The following CWC27 variants were observed in gnomAD, a reference collection of about 807,000 sequenced individuals.
CWC27 encodes CWC27 spliceosome associated cyclophilin.
A neutral mutation model predicts 63.6 loss-of-function variants in CWC27; 47 were observed. The ratio of observed to expected loss-of-function variants is 0.74; its 90% CI spans 0.58 to 0.94. The LOEUF (loss-of-function observed/expected upper bound fraction) is 0.94, where lower values mean the gene tolerates loss of function less well. Among genes scored for constraint, CWC27 ranks in the 40% least tolerant of loss-of-function variants. CWC27 has a pLI of 0.00. For missense variants in CWC27, 495 were observed against 554.3 expected (o/e 0.89, Z 1.07); for synonymous variants, 175 against 179.8 (o/e 0.97, Z 0.22).
At chr5:64,981,664 G>C (rs1475074426) in intron 13 of CWC27, among the ~76,000 whole-genome samples, 3 of 151,958 alleles carry the variant, frequency 2.0e-5, no homozygotes, top group Non-Finnish European at 4.4e-5. Flanking sequence ...GTAAATACTT[G>C]TCTTTAGGGC....
intron 11 of CWC27, among the ~76,000 whole-genome samples, chr5:64,924,894 A>G (rs1476086037): frequency 6.6e-6 from 1 of 151,982 alleles, no homozygotes; most frequent in Non-Finnish European, 1.5e-5. Flanking sequence ...TATTATTTTT[A>G]TATACCGAAA....
At chr5:64,841,200 C>T (rs142763176) in intron 10 of CWC27, among the ~76,000 whole-genome samples, 7 of 152,110 alleles carry the variant, frequency 4.6e-5, no homozygotes, top group African/African-American at 1.7e-4. Flanking sequence ...TTTGTTAGCC[C>T]ATGGTAGGAG....
chr5:64,801,160 A>T, intron 8 of CWC27, 142 bp from the exon 9 acceptor site: 1 of 766,574 alleles, frequency 1.3e-6, no homozygotes, highest in Non-Finnish European at 1.9e-6. Context: ...CATCTGTTCT[A>T]TAATGCCTTT....
chr5:64,829,786 C>G, intron 10 of CWC27, among the ~76,000 whole-genome samples: 1 of 151,564 alleles, frequency 6.6e-6, no homozygotes, highest in East Asian at 1.9e-4. Flanking sequence ...AATGCTATCC[C>G]TCCCCTAGCC....
intron 12 of CWC27, 149 bp from the exon 13 acceptor site, chr5:64,976,986 C>T: frequency 2.3e-6 from 1 of 442,084 alleles, no homozygotes; most frequent in Non-Finnish European, 4.1e-6. Flanking sequence ...ATTATTGCAG[C>T]CTAAAGGTAG....
intron 11 of CWC27, among the ~76,000 whole-genome samples, chr5:64,917,495 G>A (rs1441994693): frequency 6.6e-6 from 1 of 152,128 alleles, no homozygotes; most frequent in Non-Finnish European, 1.5e-5. Flanking sequence ...GGGCGATGGG[G>A]TGCCCAGGTA....
At chr5:64,821,643 C>T (rs978921371) in intron 10 of CWC27, among the ~76,000 whole-genome samples, 2 of 152,088 alleles carry the variant, frequency 1.3e-5, no homozygotes, top group Non-Finnish European at 2.9e-5. Flanking sequence ...TGCAGAAAAT[C>T]CTGAAGCTGC....
At chr5:64,828,219 G>A (rs917682662) in intron 10 of CWC27, among the ~76,000 whole-genome samples, 3 of 152,046 alleles carry the variant, frequency 2.0e-5, no homozygotes, top group African/African-American at 7.3e-5. Context: ...AAAGTAGCTA[G>A]GATGAGTCAT....
chr5:64,948,192 C>G (rs1291344036), intron 11 of CWC27, among the ~76,000 whole-genome samples: 4 of 151,956 alleles, frequency 2.6e-5, no homozygotes, highest in Non-Finnish European at 4.4e-5. Context: ...TAGTAATTCA[C>G]TGGTGGGTTA....
intron 13 of CWC27, among the ~76,000 whole-genome samples, chr5:65,001,094 G>C (rs540050789): frequency 6.6e-6 from 1 of 151,904 alleles, no homozygotes; most frequent in South Asian, 2.1e-4. Flanking sequence ...CTGTGAATGA[G>C]ATTACTTTCT....
chr5:64,919,764 C>A (rs1228067950), intron 11 of CWC27, among the ~76,000 whole-genome samples: 5 of 152,168 alleles, frequency 3.3e-5, no homozygotes, highest in Non-Finnish European at 4.4e-5. Context: ...CATTAATGGG[C>A]ACCTTGGTTG....
At chr5:64,930,794 G>C (rs1748220894) in intron 11 of CWC27, among the ~76,000 whole-genome samples, 1 of 152,072 alleles carries the variant, frequency 6.6e-6, no homozygotes, top group African/African-American at 2.4e-5. Context: ...GAAGCGTATG[G>C]ACACCATATG....
At chr5:64,883,649 A>G (rs950354087) in intron 10 of CWC27, among the ~76,000 whole-genome samples, 2 of 152,182 alleles carry the variant, frequency 1.3e-5, no homozygotes, top group Non-Finnish European at 2.9e-5. Flanking sequence ...GAGAAATGAG[A>G]AAAGGCCATT....
chr5:64,839,273 T>A (rs896850335), intron 10 of CWC27, among the ~76,000 whole-genome samples: 1 of 152,234 alleles, frequency 6.6e-6, no homozygotes, highest in African/African-American at 2.4e-5. Context: ...ATTCATCTAC[T>A]GGATTTTGAA....
rs1441494129 is a variant in CWC27, at chr5:65,018,305, A to C, written c.1403A>C (p.Lys468Thr). ...REESKKLMRE[K>T]KERR Reference sequence around the variant, plus strand: ...GAAAGCAAAAAGCTGATGAGAGAGAAAAAAGAAAGAAGATAAAATGAGAAT... The same window carrying C: ...GAAAGCAAAAAGCTGATGAGAGAGACAAAAGAAAGAAGATAAAATGAGAAT... The change falls in exon 14 of 14, where the codon AAA (lysine) becomes ACA (threonine). Residue 468 changes from lysine (K) to threonine (T), a missense_variant. Physicochemically the swap from Lys to Thr is moderately conservative, Grantham distance 78. This residue lies in a region of CWC27 where 20 missense variants were observed against 22.1 expected (regional missense o/e 0.91). Coordinates refer to ENST00000381070, the MANE Select transcript of CWC27 (RefSeq NM_005869.4). The C allele has an allele frequency of 6.3e-7, 1 of 1,592,776 alleles. No individual in the cohort carries two copies.
In CWC27 at chr5:64,787,967, T is replaced by A. The variant is rs142214970; in HGVS notation, c.600-984T>A. 8.1e-3 allele frequency among the ~76,000 whole-genome samples: 1,229 copies of A among 152,258 alleles called. 13 individuals carry two copies. Among genetic ancestry groups the A allele is most frequent in the African/African-American group, 0.017 (697 of 41,578 alleles). ...TTAAAACACCCAGTAGTATAGGCAT[T>A]CAATACCTATTAGTCTTTTTCCTTG... On this transcript the variant is annotated intron_variant, in intron 6 of 13. Transcript: ENST00000381070.
chr5:64,899,302 G>T (rs938935233), intron 11 of CWC27, among the ~76,000 whole-genome samples: 8 of 152,200 alleles, frequency 5.3e-5, no homozygotes, highest in Non-Finnish European at 8.8e-5. Flanking sequence ...TATAACAGTA[G>T]TTGGAAAGGT....
intron 13 of CWC27, among the ~76,000 whole-genome samples, chr5:65,012,317 T>A (rs1309089626): frequency 1.3e-5 from 2 of 152,220 alleles, no homozygotes; most frequent in African/African-American, 2.4e-5. Context: ...TCTCAGAGAC[T>A]GCCTATGAAA....
intron 11 of CWC27, among the ~76,000 whole-genome samples, chr5:64,894,686 T>A (rs1747325727): frequency 6.6e-6 from 1 of 152,188 alleles, no homozygotes; most frequent in Admixed American, 6.5e-5. Context: ...GATATGTTCC[T>A]ATGACTTGCA....
Sources: allele counts gnomAD v4.1 joint callset (sites outside exome capture counted in the v4.1 genomes callset), GRCh38; gene constraint gnomAD v4.1.1; regional missense constraint gnomAD v4.1.1; transcripts MANE v1.5; gene names NCBI Gene and HGNC (gene_info 2026-07-23, HGNC 2026-07-21).